Variants in SPATA17 observed in about 807,000 individuals in gnomAD.
The protein encoded by SPATA17 is spermatogenesis associated 17.
A neutral mutation model predicts 62.2 loss-of-function variants in SPATA17; 53 were observed. The observed-to-expected ratio is 0.85, with a 90% CI of 0.68 to 1.07. SPATA17 has a LOEUF of 1.07. Ranked by LOEUF, SPATA17 falls within the 50% of genes least tolerant of loss-of-function variation. The probability of loss-of-function intolerance (pLI) is 0.00; values close to 1 mark genes in which losing one functional copy is unlikely to be tolerated. For synonymous variants in SPATA17, 146 were observed against 146.8 expected, an observed-to-expected ratio of 0.99 and a Z score of 0.04; for missense variants, 466 against 425.5, an observed-to-expected ratio of 1.10 and a Z score of -0.84.
chr1:217,738,443 A>G (rs1192230995), intron 5 of SPATA17, among the ~76,000 whole-genome samples: 4 of 152,238 alleles, frequency 2.6e-5, no homozygotes, highest in Non-Finnish European at 4.4e-5. Flanking sequence ...GTAAATGTTC[A>G]ATAAATAGCT....
intron 9 of SPATA17, among the ~76,000 whole-genome samples, chr1:217,815,953 A>G (rs906570496): frequency 6.6e-6 from 1 of 152,138 alleles, no homozygotes; most frequent in African/African-American, 2.4e-5. Context: ...ATTGCATAGT[A>G]TTAATACTTC....
chr1:217,707,529 C>T (rs1671765142), intron 5 of SPATA17, among the ~76,000 whole-genome samples: 1 of 152,118 alleles, frequency 6.6e-6, no homozygotes, highest in Non-Finnish European at 1.5e-5. Flanking sequence ...TTGCTTTCAG[C>T]TTTTGCCCAT....
At chr1:217,757,809 C>A (rs1018013363) in intron 6 of SPATA17, among the ~76,000 whole-genome samples, 5 of 152,094 alleles carry the variant, frequency 3.3e-5, no homozygotes, top group African/African-American at 1.2e-4. Context: ...ACGTTGTAGG[C>A]TTAAACAAGT....
At chr1:217,701,408 G>T (rs961522705) in intron 5 of SPATA17, among the ~76,000 whole-genome samples, 1 of 149,440 alleles carries the variant, frequency 6.7e-6, no homozygotes, top group Admixed American at 6.7e-5. Context: ...CTTTTGACAT[G>T]AAGTTTTGCT....
chr1:217,861,873 A>G (rs1277694601), intron 9 of SPATA17, among the ~76,000 whole-genome samples: 1 of 152,168 alleles, frequency 6.6e-6, no homozygotes, highest in African/African-American at 2.4e-5. Context: ...GGCTTGAAAA[A>G]GCATTAATTG....
Position 217,727,842 on chromosome 1 carries a change from T to A in SPATA17, c.396-14133T>A, listed in dbSNP as rs12022985. Among the ~76,000 whole-genome samples the A allele has an allele frequency of 1.6e-3, 237 of 152,326 alleles. 9 individuals carry two copies. The East Asian group carries it at 0.026, about 17-fold the overall frequency. On this transcript the variant is annotated intron_variant, in intron 5 of 10. Transcript: ENST00000366933. ...TACACCAATGAATAGTTTCGTATCC[T>A]TAGTCAAGTTACTTACTATCTCTGC...
intron 8 of SPATA17, among the ~76,000 whole-genome samples, chr1:217,787,493 C>G (rs1462175018): frequency 6.6e-6 from 1 of 152,082 alleles, no homozygotes; most frequent in Non-Finnish European, 1.5e-5. Flanking sequence ...CTGGTTCTCT[C>G]TTGTTTCTGT....
chr1:217,790,651 A>G (rs1379931167), intron 8 of SPATA17, among the ~76,000 whole-genome samples: 1 of 151,792 alleles, frequency 6.6e-6, no homozygotes, highest in East Asian at 1.9e-4. Flanking sequence ...CGTGGTCTCA[A>G]TCTCCTGACC....
intron 5 of SPATA17, among the ~76,000 whole-genome samples, chr1:217,696,051 C>T (rs1185704962): frequency 6.6e-6 from 1 of 152,042 alleles, no homozygotes; most frequent in Admixed American, 6.5e-5. Context: ...GCTTTGTTTA[C>T]CTAAGCAAGC....
Position 217,696,463 on chromosome 1 carries a change from C to CA in SPATA17, c.395+13102_395+13103insA, listed in dbSNP as rs559397886. Among the ~76,000 whole-genome samples, 52 of 152,330 alleles carry CA rather than the reference C, an allele frequency of 3.4e-4. No individual in the cohort carries two copies. In the South Asian group the frequency reaches 9.5e-3, roughly 28 times the overall value. On this transcript the variant is annotated intron_variant, in intron 5 of 10. Transcript: ENST00000366933. ...GAAATCACCCGTCTTCTGCGTCGCT[C>CA]CGCTCACGCTGGGAGCTGTAGACCA... is the stretch of plus-strand genomic sequence containing the variant.
At chr1:217,862,067 A>AG (rs1201608392) in intron 9 of SPATA17, among the ~76,000 whole-genome samples, 1 of 151,220 alleles carries the variant, frequency 6.6e-6, no homozygotes, top group Admixed American at 6.6e-5. Flanking sequence ...TGTTTTCTTA[A>AG]GAAAAAAAAA....
chr1:217,820,568 G>C (rs150441247), intron 9 of SPATA17, among the ~76,000 whole-genome samples: 5 of 151,690 alleles, frequency 3.3e-5, no homozygotes, highest in African/African-American at 1.2e-4. Flanking sequence ...ACTGGGAAAA[G>C]AAGAAAAGGG....
At chr1:217,640,337 A>G (rs1318115390) in intron 1 of SPATA17, among the ~76,000 whole-genome samples, 1 of 152,198 alleles carries the variant, frequency 6.6e-6, no homozygotes, top group South Asian at 2.1e-4. Flanking sequence ...TGTGTAAAAA[A>G]CTCTATACCA....
At chr1:217,838,037 G>T (rs1352931886) in intron 9 of SPATA17, among the ~76,000 whole-genome samples, 1 of 152,020 alleles carries the variant, frequency 6.6e-6, no homozygotes, top group Non-Finnish European at 1.5e-5. Context: ...TAGTTAAAAA[G>T]TAACATATTA....
chr1:217,754,325 G>C (rs1672989665), intron 6 of SPATA17, among the ~76,000 whole-genome samples: 1 of 152,128 alleles, frequency 6.6e-6, no homozygotes, highest in Non-Finnish European at 1.5e-5. Flanking sequence ...GGTTAGAAGA[G>C]ATTAAGCTTT....
chr1:217,708,094 CA>C (rs1671777243), intron 5 of SPATA17, among the ~76,000 whole-genome samples: 2 of 152,086 alleles, frequency 1.3e-5, no homozygotes, highest in African/African-American at 2.4e-5. Context: ...ATGCCCACAT[CA>C]AAAAGTCAGA....
At chr1:217,641,307 A>G (rs1030705129) in intron 1 of SPATA17, among the ~76,000 whole-genome samples, 16 of 152,262 alleles carry the variant, frequency 1.1e-4, no homozygotes, top group Non-Finnish European at 2.4e-4. Context: ...TCTCTGAACA[A>G]AATTCAAACT....
At chr1:217,657,493 G>A (rs1670470008) in intron 3 of SPATA17, among the ~76,000 whole-genome samples, 1 of 152,124 alleles carries the variant, frequency 6.6e-6, no homozygotes, top group African/African-American at 2.4e-5. Context: ...TGTTTTCCTG[G>A]GTTGGGCAGT....
At chr1:217,780,651 T>C (rs1321626868) in intron 7 of SPATA17, among the ~76,000 whole-genome samples, 2 of 151,504 alleles carry the variant, frequency 1.3e-5, no homozygotes, top group Non-Finnish European at 2.9e-5. Flanking sequence ...CCTTGGGCCA[T>C]TGTGTATTTC....
Sources: gnomAD v4.1 joint callset for allele counts (sites outside exome capture counted in the v4.1 genomes callset) on GRCh38, gnomAD v4.1.1 for gene constraint, MANE v1.5 for transcripts, NCBI Gene and HGNC (gene_info 2026-07-23, HGNC 2026-07-21) for gene names.